The following PRKAG2 variants were observed in gnomAD, a reference collection of about 807,000 sequenced individuals.
The protein encoded by PRKAG2 is 5'-AMP-activated protein kinase subunit gamma-2.
PRKAG2 carries 26 observed loss-of-function variants against 69.6 expected under a neutral mutation model. That is an observed-to-expected ratio of 0.37 (90% CI 0.27 to 0.52). PRKAG2 has a LOEUF of 0.52. PRKAG2 is among the 20% of genes least tolerant of loss of function. The pLI is 0.90. For missense variants in PRKAG2, 557 were observed against 740.0 expected (o/e 0.75, Z 2.87); for synonymous variants, 293 against 285.0 (o/e 1.03, Z -0.28).
chr7:151,652,915 G>A (rs4726080), intron 4 of PRKAG2, among the ~76,000 whole-genome samples: 41,532 of 151,972 alleles, frequency 0.27, 5,794 homozygotes, highest in Middle Eastern at 0.35. Context: ...CACCACACCC[G>A]GCTTGTTTGG....
Position 151,602,775 on chromosome 7 carries a change from T to TG in PRKAG2, c.755-7322dup, listed in dbSNP as rs111590836. Among the ~76,000 whole-genome samples, 1,357 of 152,258 alleles carry TG rather than the reference T, an allele frequency of 8.9e-3. 28 individuals are homozygous for TG. Among genetic ancestry groups the TG allele is most frequent in the African/African-American group, 0.031 (1,287 of 41,556 alleles). On this transcript the variant is annotated intron_variant, in intron 5 of 15. Coordinates refer to ENST00000287878, the MANE Select transcript of PRKAG2 (RefSeq NM_016203.4). ...GACCTGCTGGGAGGTGATTGGATCA[T>TG]GGGGGCAGTTTCCTCCATGCTGTTC...
chr7:151,842,672 G>A (rs1292306761), intron 1 of PRKAG2, among the ~76,000 whole-genome samples: 1 of 147,866 alleles, frequency 6.8e-6, no homozygotes, highest in Non-Finnish European at 1.5e-5. Context: ...GGTAGGTAGT[G>A]ATGATGGTAG....
chr7:151,868,790 G>T (rs1008741956), intron 1 of PRKAG2, among the ~76,000 whole-genome samples: 1 of 152,160 alleles, frequency 6.6e-6, no homozygotes, highest in Admixed American at 6.5e-5. Context: ...CCTAGAAACA[G>T]AAAGACACTG....
At chr7:151,642,387 T>C (rs550411448) in intron 4 of PRKAG2, among the ~76,000 whole-genome samples, 1 of 151,834 alleles carries the variant, frequency 6.6e-6, no homozygotes, top group Non-Finnish European at 1.5e-5. Context: ...TAGCTGGGCA[T>C]AGTGGCTCAT....
intron 5 of PRKAG2, 91 bp from the exon 6 acceptor site, chr7:151,595,545 T>C (rs1383388056): frequency 1.1e-6 from 1 of 891,716 alleles, no homozygotes; most frequent in Admixed American, 1.9e-5. Context: ...CTAACAGACT[T>C]AATGGTAAAA....
intron 1 of PRKAG2, among the ~76,000 whole-genome samples, chr7:151,875,518 C>T (rs1293889097): frequency 1.3e-5 from 2 of 151,990 alleles, no homozygotes; most frequent in African/African-American, 2.4e-5. Flanking sequence ...CGCACTCCCA[C>T]CCTGCCCCGG....
Position 151,771,089 on chromosome 7 carries a change from C to A in PRKAG2, c.466+10063G>T, listed in dbSNP as rs959307090. On this transcript the variant is annotated intron_variant, in intron 3 of 15. Transcript: ENST00000287878. The surrounding 1 kb of genome is among the most constrained non-coding windows in gnomAD (Gnocchi z 4.0). Reference sequence around the variant, plus strand: ...AGGTTGCTTACAAAAATAACCAGCCCTCCTCTGTTCCTTACTTCAGGCTCT... The same window carrying A: ...AGGTTGCTTACAAAAATAACCAGCCATCCTCTGTTCCTTACTTCAGGCTCT... 1.3e-5 allele frequency among the ~76,000 whole-genome samples: 2 copies of A among 152,172 alleles called. No individual in the cohort carries two copies. The highest frequency in any genetic ancestry group is 2.9e-5 in the Non-Finnish European group (2 of 68,030).
intron 1 of PRKAG2, among the ~76,000 whole-genome samples, chr7:151,816,580 A>T (rs1378877227): frequency 6.6e-6 from 1 of 152,212 alleles, no homozygotes; most frequent in Non-Finnish European, 1.5e-5. Context: ...TCATCCTGGG[A>T]TGTGCGGGAT....
intron 3 of PRKAG2, among the ~76,000 whole-genome samples, chr7:151,752,500 A>G (rs1454725559): frequency 6.6e-6 from 1 of 152,232 alleles, no homozygotes; most frequent in African/African-American, 2.4e-5. Context: ...AATAATATGT[A>G]CAACAGACCC....
chr7:151,863,058 G>A lies in PRKAG2; in HGVS notation c.114+13449C>T, dbSNP rs183317738. Among the ~76,000 whole-genome samples the A allele has an allele frequency of 4.9e-3, 656 of 132,754 alleles. 6 individuals carry two copies. The highest frequency in any genetic ancestry group is 0.017 in the African/African-American group (620 of 35,430). The allele number at this position is 132,754 out of a possible 152,430, so 87.1% of individuals were successfully genotyped here. On this transcript the variant is annotated intron_variant, in intron 1 of 15. Transcript: ENST00000287878. ...TTGTAGGTCCTGGGGTGCAGGGGGC[G>A]CTGGTAGATCCCTGGGTGCAGGGGG...
intron 1 of PRKAG2, among the ~76,000 whole-genome samples, chr7:151,811,944 T>G (rs759572321): frequency 2.0e-5 from 3 of 152,192 alleles, no homozygotes; most frequent in Non-Finnish European, 2.9e-5. Context: ...TCTCAGTAAA[T>G]TATTCAAATT....
intron 14 of PRKAG2, 31 bp downstream of exon 14, chr7:151,564,047 C>T (rs746299005): frequency 5.0e-6 from 8 of 1,613,354 alleles, no homozygotes; most frequent in South Asian, 4.4e-5. Flanking sequence ...CAGTGGACGT[C>T]GGGGGAGCAG....
At chr7:151,662,732 C>T (rs1289919879) in intron 4 of PRKAG2, among the ~76,000 whole-genome samples, 1 of 151,722 alleles carries the variant, frequency 6.6e-6, no homozygotes, top group African/African-American at 2.4e-5. Flanking sequence ...GAGAACCTAT[C>T]TCTTCAACAA....
chr7:151,678,353 T>G (rs1414333620), intron 3 of PRKAG2, among the ~76,000 whole-genome samples: 1 of 152,160 alleles, frequency 6.6e-6, no homozygotes, highest in African/African-American at 2.4e-5. Context: ...GGCAAATGCC[T>G]GCTGCCACCA....
chr7:151,560,400 G>A (rs1804651568), intron 15 of PRKAG2, 124 bp downstream of exon 15: 2 of 1,594,966 alleles, frequency 1.3e-6, no homozygotes, highest in Non-Finnish European at 1.7e-6. Context: ...TGGTTTCAAA[G>A]TAATATACTC....
At chr7:151,737,946 C>A (rs112617644) in intron 3 of PRKAG2, among the ~76,000 whole-genome samples, 11 of 129,270 alleles carry the variant, frequency 8.5e-5, no homozygotes, top group East Asian at 2.6e-4. Context: ...TCCCACGGGG[C>A]CTCCATCCAC....
rs1796675234 is a variant in PRKAG2 at position 151,719,359 on chromosome 7, C to CT, written c.467-43723dup. ...AGAGACCCACCGCTCAGGCCTCCTG[C>CT]TGGGGGAGCTGGGCTATAACTTCCG... is the stretch of plus-strand genomic sequence containing the variant. On this transcript the variant is annotated intron_variant, in intron 3 of 15. Coordinates refer to ENST00000287878, the MANE Select transcript of PRKAG2 (RefSeq NM_016203.4). This position sits in a 1 kb window ranked among gnomAD's most constrained non-coding sequence, Gnocchi z 5.2. Among the ~76,000 whole-genome samples the CT allele has an allele frequency of 3.3e-5, 5 of 152,216 alleles. No homozygotes were observed. In the South Asian group the frequency reaches 1.0e-3, roughly 32 times the overall value.
rs1255004553 is a variant in PRKAG2 at position 151,876,639 on chromosome 7, A to T, written c.-19T>A. The T allele has an allele frequency of 1.9e-6, 3 of 1,603,958 alleles. No individual in the cohort carries two copies. Among genetic ancestry groups the T allele is most frequent in the South Asian group, 2.2e-5 (2 of 91,038 alleles). Reference sequence around the variant, plus strand: ...TTCCCATAACTCTAACCAGAAGTTGATTCTGCGAAACTCCTCGGGGGTTCG... The same window carrying T: ...TTCCCATAACTCTAACCAGAAGTTGTTTCTGCGAAACTCCTCGGGGGTTCG... On this transcript the variant is annotated 5_prime_UTR_variant, in exon 1 of 16. Transcript: ENST00000287878.
intron 1 of PRKAG2, among the ~76,000 whole-genome samples, chr7:151,799,841 G>A (rs375521149): frequency 1.3e-5 from 2 of 152,344 alleles, no homozygotes; most frequent in East Asian, 3.9e-4. Context: ...ACATGAAGGT[G>A]CCTGGGAGGT....
Sources: allele counts gnomAD v4.1 joint callset (sites outside exome capture counted in the v4.1 genomes callset), GRCh38; gene constraint gnomAD v4.1.1; non-coding constraint Gnocchi (gnomAD v3.1); transcripts MANE v1.5; gene names NCBI Gene and HGNC (gene_info 2026-07-23, HGNC 2026-07-21).